Variants in CBLB observed in about 807,000 individuals in gnomAD.
CBLB encodes E3 ubiquitin-protein ligase CBL-B.
In CBLB, 31 loss-of-function variants were observed where a neutral mutation model predicts 104.9. The observed-to-expected ratio is 0.30, with a 90% CI of 0.22 to 0.40. CBLB has a LOEUF of 0.40. CBLB is among the 10% of genes least tolerant of loss of function. The probability of loss-of-function intolerance (pLI) is 1.00; values close to 1 mark genes in which losing one functional copy is unlikely to be tolerated. For synonymous variants in CBLB, 440 were observed against 422.6 expected (o/e 1.04, Z -0.51); for missense variants, 1,062 against 1,214.6 (o/e 0.87, Z 1.87).
chr3:105,764,460 G>C (rs1212670357), intron 4 of CBLB, among the ~76,000 whole-genome samples: 1 of 152,078 alleles, frequency 6.6e-6, no homozygotes, highest in Non-Finnish European at 1.5e-5. Flanking sequence ...GAAACAAATA[G>C]TTTTTGGGCA....
At chr3:105,708,517 C>G (rs1445888748) in intron 10 of CBLB, among the ~76,000 whole-genome samples, 2 of 152,046 alleles carry the variant, frequency 1.3e-5, no homozygotes, top group African/African-American at 4.8e-5. Flanking sequence ...TATCTAAGCT[C>G]TAATGCCAAC....
At chr3:105,810,337 C>T (rs1449488829) in intron 3 of CBLB, among the ~76,000 whole-genome samples, 1 of 152,036 alleles carries the variant, frequency 6.6e-6, no homozygotes, top group Non-Finnish European at 1.5e-5. Flanking sequence ...AAAAAAATGT[C>T]CTGGTAAAAA....
intron 10 of CBLB, among the ~76,000 whole-genome samples, chr3:105,711,949 A>G (rs958784134): frequency 1.6e-4 from 24 of 152,162 alleles, no homozygotes; most frequent in African/African-American, 5.5e-4. Flanking sequence ...ACCAAATGGA[A>G]TAAGAGCTGA....
At chr3:105,795,171 G>C (rs2044164) in intron 3 of CBLB, among the ~76,000 whole-genome samples, 149,354 of 152,290 alleles carry the variant, frequency 0.98, 73,312 homozygotes, top group East Asian at 1. Flanking sequence ...CTCGGCCTCC[G>C]AAAGTGCTGG....
chr3:105,712,854 T>TA (rs778077708), intron 10 of CBLB, among the ~76,000 whole-genome samples: 1 of 152,196 alleles, frequency 6.6e-6, no homozygotes, highest in Non-Finnish European at 1.5e-5. Context: ...TTTTGGCATC[T>TA]AATTCTTCCT....
chr3:105,722,937 T>C (rs1205059408), intron 9 of CBLB, among the ~76,000 whole-genome samples: 3 of 152,288 alleles, frequency 2.0e-5, no homozygotes, highest in Admixed American at 1.3e-4. Context: ...GTTATAAGAG[T>C]AGATATCACA....
At chr3:105,729,005 G>C (rs2074006735) in intron 9 of CBLB, among the ~76,000 whole-genome samples, 1 of 152,118 alleles carries the variant, frequency 6.6e-6, no homozygotes, top group Non-Finnish European at 1.5e-5. Context: ...GGTGAAGAAT[G>C]ACTTGCTAAA....
Position 105,743,315 on chromosome 3 carries a change from C to T in CBLB, c.845+2602G>A, listed in dbSNP as rs191584958. Among the ~76,000 whole-genome samples the T allele has an allele frequency of 2.1e-3, 320 of 151,994 alleles. 2 individuals carry two copies. Among genetic ancestry groups the T allele is most frequent in the Non-Finnish European group, 2.4e-3 (161 of 67,972 alleles). On this transcript the variant is annotated intron_variant, in intron 6 of 18. Transcript: ENST00000394030. ...TCCACTAAAAATACAAAAAAATTGG[C>T]AAGGCATGATGGTACATGCCTGTAG...
intron 3 of CBLB, among the ~76,000 whole-genome samples, chr3:105,850,673 A>C (rs922746676): frequency 3.9e-5 from 6 of 152,204 alleles, no homozygotes; most frequent in African/African-American, 1.4e-4. Flanking sequence ...GAATGAGGAT[A>C]TCTAAATGAA....
chr3:105,752,918 G>A (rs1400965807), intron 4 of CBLB, among the ~76,000 whole-genome samples: 3 of 152,204 alleles, frequency 2.0e-5, no homozygotes. Flanking sequence ...CACTTTGAGA[G>A]CCTACTATAT....
chr3:105,705,433 G>A (rs1055727149), intron 10 of CBLB, among the ~76,000 whole-genome samples: 2 of 151,880 alleles, frequency 1.3e-5, no homozygotes, highest in Non-Finnish European at 2.9e-5. Flanking sequence ...TTATTATTAC[G>A]TCTCCCTACT....
At chr3:105,862,811 T>C (rs2092197586) in intron 2 of CBLB, among the ~76,000 whole-genome samples, 1 of 152,144 alleles carries the variant, frequency 6.6e-6, no homozygotes, top group South Asian at 2.1e-4. Context: ...CAACCTAACA[T>C]GTCCTCCATC....
chr3:105,792,785 A>C (rs2081832861), intron 3 of CBLB, among the ~76,000 whole-genome samples: 1 of 152,204 alleles, frequency 6.6e-6, no homozygotes, highest in African/African-American at 2.4e-5. Context: ...GGAGCAAATT[A>C]GTTCCTCCCT....
chr3:105,758,374 T>C (rs562808266), intron 4 of CBLB, among the ~76,000 whole-genome samples: 3 of 152,250 alleles, frequency 2.0e-5, no homozygotes, highest in Non-Finnish European at 2.9e-5. Context: ...TGGGTATTTA[T>C]GCTGCATAAT....
Position 105,848,897 on chromosome 3 carries a change from C to T in CBLB, c.419+4517G>A, listed in dbSNP as rs574201125. On this transcript the variant is annotated intron_variant, in intron 3 of 18. Transcript: ENST00000394030. Reference sequence around the variant, plus strand: ...TGGAGTCATTCTACTAAACCATATACTTTGTTGCCTAACTACCTTTGATTG... The same window carrying T: ...TGGAGTCATTCTACTAAACCATATATTTTGTTGCCTAACTACCTTTGATTG... Among the ~76,000 whole-genome samples the T allele has an allele frequency of 3.3e-5, 5 of 152,182 alleles. No individual in the cohort carries two copies. In the South Asian group the frequency reaches 1.0e-3, roughly 32 times the overall value.
At chr3:105,697,127 C>T (rs1372872200) in intron 12 of CBLB, among the ~76,000 whole-genome samples, 6 of 151,986 alleles carry the variant, frequency 3.9e-5, no homozygotes, top group Middle Eastern at 3.4e-3. Flanking sequence ...TGCTTTATTC[C>T]TCTTTGTATT....
At chr3:105,743,333 G>T (rs2075790094) in intron 6 of CBLB, among the ~76,000 whole-genome samples, 1 of 151,844 alleles carries the variant, frequency 6.6e-6, no homozygotes, top group Non-Finnish European at 1.5e-5. Context: ...GATGGTACAT[G>T]CCTGTAGTCC....
Position 105,678,573 on chromosome 3 carries a change from T to C in CBLB, c.2429-2A>G. ...GGAGGGCATCAAAAGCATCTTCACC[T>C]GCATTTAAAGAAAGGTCGATATCAG... On this transcript the variant is annotated splice_acceptor_variant, in intron 16 of 18. Transcript: ENST00000394030. LOFTEE classifies it high-confidence loss of function. 1 of 1,612,560 alleles carries C rather than the reference T, an allele frequency of 6.2e-7. No homozygotes were observed. The highest frequency in any genetic ancestry group is 8.5e-7 in the Non-Finnish European group (1 of 1,179,116).
chr3:105,827,058 C>T (rs1452070968), intron 3 of CBLB, among the ~76,000 whole-genome samples: 4 of 152,116 alleles, frequency 2.6e-5, no homozygotes, highest in Admixed American at 2.0e-4. Flanking sequence ...AAGAGTAGGA[C>T]ATGAATTGTT....
Sources: gnomAD v4.1 joint callset for allele counts (sites outside exome capture counted in the v4.1 genomes callset) on GRCh38, gnomAD v4.1.1 for gene constraint, MANE v1.5 for transcripts, NCBI Gene and HGNC (gene_info 2026-07-23, HGNC 2026-07-21) for gene names.